The following ADAMTS16 variants were observed in gnomAD, a reference collection of about 807,000 sequenced individuals.
ADAMTS16 encodes the protein A disintegrin and metalloproteinase with thrombospondin motifs 16.
ADAMTS16 carries 94 observed loss-of-function variants against 145.8 expected under a neutral mutation model. The ratio of observed to expected loss-of-function variants is 0.64; its 90% confidence interval spans 0.55 to 0.77. ADAMTS16 has a LOEUF of 0.77. ADAMTS16 is among the 30% of genes least tolerant of loss of function. The pLI is 0.00. For missense variants in ADAMTS16, 1,585 were observed against 1,591.5 expected, an observed-to-expected ratio of 1.00 and a Z score of 0.07; for synonymous variants, 659 against 604.3, an observed-to-expected ratio of 1.09 and a Z score of -1.33.
At chr5:5,168,327 C>G (rs1734937010) in intron 3 of ADAMTS16, among the ~76,000 whole-genome samples, 1 of 147,776 alleles carries the variant, frequency 6.8e-6, no homozygotes, top group African/African-American at 2.5e-5. Flanking sequence ...TTGTTTTACT[C>G]TTTTACGTCT....
At chr5:5,231,771 GCATCTC>G (rs1736930973) in intron 11 of ADAMTS16, among the ~76,000 whole-genome samples, 1 of 152,222 alleles carries the variant, frequency 6.6e-6, no homozygotes, top group Non-Finnish European at 1.5e-5. Context: ...GGAAGAGATA[GCATCTC>G]CAGCCTTCGT....
intron 3 of ADAMTS16, among the ~76,000 whole-genome samples, chr5:5,159,718 A>G (rs1156930832): frequency 6.6e-6 from 1 of 152,216 alleles, no homozygotes; most frequent in African/African-American, 2.4e-5. Context: ...AGCAATTAGG[A>G]TGATAAAAAG....
At chr5:5,201,513 C>T (rs1735955426) in intron 9 of ADAMTS16, among the ~76,000 whole-genome samples, 1 of 151,618 alleles carries the variant, frequency 6.6e-6, no homozygotes, top group African/African-American at 2.4e-5. Flanking sequence ...AGGGCAAATA[C>T]TAATACTTCC....
intron 14 of ADAMTS16, 148 bp downstream of exon 14, chr5:5,237,247 A>G (rs1737136063): frequency 3.8e-6 from 3 of 780,286 alleles, no homozygotes; most frequent in Non-Finnish European, 2.0e-6. Context: ...AGAAGAACAC[A>G]TTGATGACAT....
At position 5,306,763 on chromosome 5, in the gene ADAMTS16, A is replaced by G. The variant is rs1740181583; in HGVS notation, c.3411+35A>G. On this transcript the variant is annotated intron_variant, in intron 21 of 22. Coordinates refer to ENST00000274181, the MANE Select transcript of ADAMTS16 (RefSeq NM_139056.4). Reference sequence around the variant, plus strand: ...GCCCTCGGTTCCTGGAGAGTGGGCGAGCACAGCTTGGCCTGGGGTTGGCCG... The same window carrying G: ...GCCCTCGGTTCCTGGAGAGTGGGCGGGCACAGCTTGGCCTGGGGTTGGCCG... 2.6e-6 allele frequency: 4 copies of G among 1,545,920 alleles called. No homozygotes were observed. In the African/African-American group the frequency reaches 5.5e-5, roughly 21 times the overall value.
intron 14 of ADAMTS16, among the ~76,000 whole-genome samples, chr5:5,238,016 C>T (rs1179382293): frequency 6.6e-6 from 1 of 152,136 alleles, no homozygotes; most frequent in Non-Finnish European, 1.5e-5. Context: ...GTTCTCGCTT[C>T]CCCTAAATTA....
intron 17 of ADAMTS16, among the ~76,000 whole-genome samples, chr5:5,245,131 G>A (rs1248097718): frequency 6.6e-6 from 1 of 152,110 alleles, no homozygotes; most frequent in African/African-American, 2.4e-5. Flanking sequence ...GATGCTATCC[G>A]ATGACATAGA....
chr5:5,222,574 A>C (rs1381329435), intron 10 of ADAMTS16, among the ~76,000 whole-genome samples: 1 of 152,204 alleles, frequency 6.6e-6, no homozygotes, highest in East Asian at 1.9e-4. Flanking sequence ...TATAAATAAA[A>C]CAAATAAAGT....
In ADAMTS16 at chr5:5,310,549, C is replaced by T. The variant is rs1333477502; in HGVS notation, c.3411+3821C>T. ...TCCTCGTGAGAAGACCACAGGAAGACACAGAGACTCCTCACATGGGGAGCA... is the reference window on the plus strand; with the variant it reads ...TCCTCGTGAGAAGACCACAGGAAGATACAGAGACTCCTCACATGGGGAGCA... On this transcript the variant is annotated intron_variant, in intron 21 of 22. Coordinates refer to ENST00000274181, the MANE Select transcript of ADAMTS16 (RefSeq NM_139056.4). The surrounding 1 kb of genome is among the most constrained non-coding windows in gnomAD (Gnocchi z 4.3). Among the ~76,000 whole-genome samples the T allele has an allele frequency of 1.3e-5, 2 of 152,190 alleles. No homozygotes were observed. Among genetic ancestry groups the T allele is most frequent in the African/African-American group, 4.8e-5 (2 of 41,456 alleles).
chr5:5,300,228 A>G (rs1040059540), intron 18 of ADAMTS16, among the ~76,000 whole-genome samples: 4 of 152,228 alleles, frequency 2.6e-5, no homozygotes, highest in African/African-American at 7.2e-5. Context: ...GAGAGAGCAA[A>G]TATAAGAAAT....
chr5:5,214,808 T>G (rs1180497054), intron 10 of ADAMTS16, among the ~76,000 whole-genome samples: 3 of 152,190 alleles, frequency 2.0e-5, no homozygotes, highest in African/African-American at 7.2e-5. Flanking sequence ...TTTTAAAAAT[T>G]TTCTATGTGA....
At chr5:5,221,397 CTGTT>C (rs1736602461) in intron 10 of ADAMTS16, among the ~76,000 whole-genome samples, 2 of 152,138 alleles carry the variant, frequency 1.3e-5, no homozygotes, top group South Asian at 4.1e-4. Flanking sequence ...AGGAGCATCA[CTGTT>C]TGTTCCCTGC....
intron 3 of ADAMTS16, among the ~76,000 whole-genome samples, chr5:5,155,086 G>T (rs1238608341): frequency 6.6e-6 from 1 of 152,214 alleles, no homozygotes; most frequent in East Asian, 1.9e-4. Flanking sequence ...TTGAAGGCAG[G>T]ATCTTGCTTT....
intron 18 of ADAMTS16, among the ~76,000 whole-genome samples, chr5:5,300,071 C>A (rs929220014): frequency 1.3e-5 from 2 of 152,118 alleles, no homozygotes; most frequent in African/African-American, 4.8e-5. Context: ...AGAGAGAAGG[C>A]AGAGAATGGA....
At chr5:5,225,305 T>C (rs1736728836) in intron 11 of ADAMTS16, among the ~76,000 whole-genome samples, 2 of 151,986 alleles carry the variant, frequency 1.3e-5, no homozygotes, top group Non-Finnish European at 1.5e-5. Context: ...GACTTCAGTA[T>C]ATAAAGAGGA....
At chr5:5,156,533 C>G (rs2126519981) in intron 3 of ADAMTS16, among the ~76,000 whole-genome samples, 1 of 152,298 alleles carries the variant, frequency 6.6e-6, no homozygotes, top group South Asian at 2.1e-4. Flanking sequence ...GGCCTTGTGA[C>G]AGGCTTATTC....
intron 11 of ADAMTS16, chr5:5,223,303 A>G (rs953614352): frequency 6.1e-6 from 1 of 164,086 alleles, no homozygotes; most frequent in African/African-American, 2.4e-5. Context: ...GAGCTATGGT[A>G]GAGAAAAGAA....
At chr5:5,297,903 C>G (rs1012471638) in intron 18 of ADAMTS16, among the ~76,000 whole-genome samples, 1 of 152,220 alleles carries the variant, frequency 6.6e-6, no homozygotes, top group Non-Finnish European at 1.5e-5. Context: ...AGTGGTTTGA[C>G]TTTTGAGACT....
intron 17 of ADAMTS16, among the ~76,000 whole-genome samples, chr5:5,242,941 G>T (rs1466739458): frequency 6.6e-6 from 1 of 152,188 alleles, no homozygotes; most frequent in African/African-American, 2.4e-5. Flanking sequence ...TGGCCAAATG[G>T]ATTTCAGCTT....
Sources: gnomAD v4.1 joint callset for allele counts (sites outside exome capture counted in the v4.1 genomes callset) on GRCh38, gnomAD v4.1.1 for gene constraint, Gnocchi (gnomAD v3.1) non-coding constraint, MANE v1.5 for transcripts, NCBI Gene and HGNC (gene_info 2026-07-23, HGNC 2026-07-21) for gene names.